ANK3: variants seen among roughly 807,000 people sequenced by gnomAD.
The protein encoded by ANK3 is ankyrin-3.
ANK3 carries 57 observed loss-of-function variants against 370.9 expected under a neutral mutation model. The observed-to-expected ratio is 0.15, with a 90% confidence interval of 0.12 to 0.19. The LOEUF is 0.19. Among genes scored for constraint, ANK3 ranks in the 10% least tolerant of loss-of-function variants. The pLI, the probability that ANK3 is intolerant of heterozygous loss-of-function variation, is 1.00. For missense variants in ANK3, 4,439 were observed against 5,302.1 expected, an observed-to-expected ratio of 0.84 and a Z score of 5.06; for synonymous variants, 1,929 against 1,946.3, an observed-to-expected ratio of 0.99 and a Z score of 0.23.
rs561454269 is a variant in ANK3 at position 60,521,789 on chromosome 10, C to A, written c.96+93397G>T. Among the ~76,000 whole-genome samples the A allele has an allele frequency of 2.0e-5, 3 of 152,166 alleles. No homozygotes were observed. The Middle Eastern group carries it at 0.01, about 518-fold the overall frequency. ...GAAAAGGGTTGCCTTAACTTAAAGG[C>A]CATCCTACCCCAAAAAAGCAATGAC... is the stretch of plus-strand genomic sequence containing the variant. On this transcript the variant is annotated intron_variant, in intron 2 of 43. Coordinates refer to the ANK3 transcript ENST00000373827.
chr10:60,067,821 T>C (rs1327611497), intron 38 of ANK3, 114 bp downstream of exon 38: 4 of 720,816 alleles, frequency 5.5e-6, no homozygotes, highest in Non-Finnish European at 2.2e-6. Flanking sequence ...GTGATAAAAA[T>C]GTTTTTTACT....
At chr10:60,257,880 C>T (rs896202769) in intron 7 of ANK3, among the ~76,000 whole-genome samples, 1 of 152,192 alleles carries the variant, frequency 6.6e-6, no homozygotes, top group Non-Finnish European at 1.5e-5. Flanking sequence ...CAGAAGAATG[C>T]TTTATTCAAT....
At chr10:60,228,331 C>T (rs778005450) in intron 8 of ANK3, among the ~76,000 whole-genome samples, 4 of 151,906 alleles carry the variant, frequency 2.6e-5, no homozygotes, top group South Asian at 2.1e-4. Flanking sequence ...GTCAAGAGTT[C>T]GAGACCAGCC....
At chr10:60,150,707 C>T (rs2095067707) in intron 23 of ANK3, among the ~76,000 whole-genome samples, 2 of 152,074 alleles carry the variant, frequency 1.3e-5, no homozygotes, top group African/African-American at 4.8e-5. Flanking sequence ...CTCTCTTGCT[C>T]CCTCTCTTGC....
chr10:60,556,166 C>T (rs142292803), intron 2 of ANK3, among the ~76,000 whole-genome samples: 1 of 152,184 alleles, frequency 6.6e-6, no homozygotes, highest in African/African-American at 2.4e-5. Context: ...TAATTACATA[C>T]TATTTGAGCC....
chr10:60,234,791 G>C lies in ANK3; in HGVS notation c.799-5C>G. 1 of 1,587,610 alleles carries C rather than the reference G, an allele frequency of 6.3e-7. No homozygotes were observed. Among genetic ancestry groups the C allele is most frequent in the Non-Finnish European group, 8.6e-7 (1 of 1,156,638 alleles). On this transcript the variant is annotated splice_polypyrimidine_tract_variant and splice_region_variant and intron_variant, in intron 7 of 43. Transcript: ENST00000280772. ...ATGTAAAGGAGTGATGTCATTCTGG[G>C]AAGAAGAGGAAAAAGTACAGATTTG...
rs148509028 is a variant in ANK3, at chr10:60,676,670, T to A, written c.57+56593A>T. Among the ~76,000 whole-genome samples, 860 of 152,120 alleles carry A rather than the reference T, an allele frequency of 5.7e-3. 11 individuals carry two copies. Among genetic ancestry groups the A allele is most frequent in the African/African-American group, 0.019 (803 of 41,504 alleles). The stretch of plus-strand genomic sequence containing the variant: ...GTTGAAAAGCATTAACTAGAGGGGG[T>A]ACAAAATATTAGGAACTAAAGATGC... On this transcript the variant is annotated intron_variant, in intron 1 of 43. Transcript: ENST00000373827.
At position 60,045,993 on chromosome 10, in the gene ANK3, A is replaced by G. The variant is rs186169978; in HGVS notation, c.13066-3234T>C. Among the ~76,000 whole-genome samples the G allele has an allele frequency of 3.3e-5, 5 of 151,500 alleles. No homozygotes were observed. In the East Asian group the frequency reaches 9.7e-4, roughly 29 times the overall value. ...TGCATAGTTCATGACAATGGGCGGG[A>G]CATTTAACTTGTTTTTCCTCACTGT... On this transcript the variant is annotated intron_variant, in intron 42 of 43. Coordinates refer to ENST00000280772, the MANE Select transcript of ANK3 (RefSeq NM_020987.5).
chr10:60,707,434 C>T (rs1370255904), intron 1 of ANK3, among the ~76,000 whole-genome samples: 1 of 151,984 alleles, frequency 6.6e-6, no homozygotes, highest in African/African-American at 2.4e-5. Context: ...CAGTTGTAAA[C>T]TTGATAAAGT....
In ANK3 at chr10:60,073,636, A is replaced by T. The variant is rs1409230556; in HGVS notation, c.7245T>A (p.Pro2415=). Residue 2415 remains proline (P), a synonymous_variant, in exon 37 of 44, where the codon CCT becomes CCA. Coordinates refer to ENST00000280772, the MANE Select transcript of ANK3 (RefSeq NM_020987.5). ...SYLESSRVNT[P]VSQEEDSRPS... is the part of the protein sequence containing the mutation. ...GGCGGCTATCTTCTTCTTGGGACAC[A>T]GGAGTGTTTACTCTGGAAGACTCCA... 1 of 1,613,964 alleles carries T rather than the reference A, an allele frequency of 6.2e-7. No homozygotes were observed. Among genetic ancestry groups the T allele is most frequent in the Non-Finnish European group, 8.5e-7 (1 of 1,179,988 alleles).
At chr10:60,325,892 A>G (rs1477986025) in intron 1 of ANK3, among the ~76,000 whole-genome samples, 7 of 152,232 alleles carry the variant, frequency 4.6e-5, no homozygotes, top group African/African-American at 1.4e-4. Flanking sequence ...ATGCCCATCA[A>G]TGATAGACCG....
At chr10:60,478,418 T>C (rs1249645548) in intron 2 of ANK3, among the ~76,000 whole-genome samples, 1 of 152,026 alleles carries the variant, frequency 6.6e-6, no homozygotes, top group Non-Finnish European at 1.5e-5. Context: ...CTGAATGGAA[T>C]GAAGAATGAC....
intron 28 of ANK3, among the ~76,000 whole-genome samples, chr10:60,098,591 G>C (rs1029413075): frequency 3.9e-5 from 6 of 152,010 alleles, no homozygotes; most frequent in Non-Finnish European, 7.4e-5. Context: ...AGATGTTATA[G>C]GGAAAAATCC....
At chr10:60,110,029 C>T (rs763258745) in intron 26 of ANK3, among the ~76,000 whole-genome samples, 1 of 151,912 alleles carries the variant, frequency 6.6e-6, no homozygotes, top group Non-Finnish European at 1.5e-5. Flanking sequence ...CTAGTTTCCA[C>T]GTATGAAAAT....
chr10:60,236,982 C>A (rs1398807490), intron 7 of ANK3, among the ~76,000 whole-genome samples: 1 of 152,226 alleles, frequency 6.6e-6, no homozygotes, highest in East Asian at 1.9e-4. Context: ...TTTATAAAAA[C>A]AGGCAGTGCG....
At chr10:60,359,187 A>G (rs1363955160) in intron 1 of ANK3, among the ~76,000 whole-genome samples, 2 of 152,032 alleles carry the variant, frequency 1.3e-5, no homozygotes, top group African/African-American at 2.4e-5. Context: ...CTTGCATGCC[A>G]TGTCTACATA....
chr10:60,271,832 A>G (rs1489940631), intron 4 of ANK3, among the ~76,000 whole-genome samples: 1 of 151,472 alleles, frequency 6.6e-6, no homozygotes, highest in Non-Finnish European at 1.5e-5. Flanking sequence ...CACCATAGCT[A>G]TGTACTTATC....
At chr10:60,179,654 T>A (rs149298316) in intron 18 of ANK3, among the ~76,000 whole-genome samples, 1 of 151,286 alleles carries the variant, frequency 6.6e-6, no homozygotes, top group African/African-American at 2.4e-5. Flanking sequence ...ACATTCCAGC[T>A]TGAGTGACAG....
At chr10:60,409,866 C>G (rs765336395) in intron 2 of ANK3, among the ~76,000 whole-genome samples, 1 of 152,198 alleles carries the variant, frequency 6.6e-6, no homozygotes, top group Non-Finnish European at 1.5e-5. Context: ...TACCAGTGTT[C>G]TTAGCTCAGA....
Sources: allele counts gnomAD v4.1 joint callset (sites outside exome capture counted in the v4.1 genomes callset), GRCh38; gene constraint gnomAD v4.1.1; transcripts MANE v1.5; gene names NCBI Gene and HGNC (gene_info 2026-07-23, HGNC 2026-07-21).